The following RPL23 variants were observed in gnomAD, a reference collection of about 807,000 sequenced individuals.
RPL23 encodes the protein ribosomal protein L23, also known as large ribosomal subunit protein uL14.
For synonymous variants in RPL23, 63 were observed against 65.3 expected (o/e 0.97, Z 0.17); for missense variants, 79 against 178.8 (o/e 0.44, Z 3.18).
In RPL23 at chr17:38,848,244, AT is replaced by A. The variant is rs761007713; in HGVS notation, c.*1887del. The A allele has an allele frequency of 4.0e-5, 27 of 676,724 alleles. No individual in the cohort carries two copies. The highest frequency in any genetic ancestry group is 1.1e-4 in the South Asian group (2 of 18,910). The allele number at this position is 676,724 out of a possible 1,614,324, so 41.9% of individuals were successfully genotyped here. On this transcript the variant is annotated 3_prime_UTR_variant, in exon 5 of 5. Transcript: ENST00000479035. ...CTCTCTAAAACTAGAGATTTAATAC[AT>A]TTTTTTTCTTTCCCCCCAGAGTTTC...
chr17:38,852,715 T>C lies in RPL23; in HGVS notation c.115A>G (p.Ile39Val), dbSNP rs140022189. Residue 39 changes from isoleucine (I) to valine (V), a missense_variant, in exon 3 of 5, where the codon ATC (isoleucine) becomes GTC (valine). Transcript: ENST00000479035. ...ADNTGAKNLY[I>V]ISVKGIKGRL... is the part of the protein sequence containing the mutation. Reference sequence around the variant, plus strand: ...CCCTTGATCCCCTTCACGGAGATGATATACAGGTTTTTGGCTCCTACAAAA... The same window carrying C: ...CCCTTGATCCCCTTCACGGAGATGACATACAGGTTTTTGGCTCCTACAAAA... 4.8e-5 allele frequency: 78 copies of C among 1,614,174 alleles called. No homozygotes were observed. The highest frequency in any genetic ancestry group is 3.2e-4 in the Admixed American group (19 of 60,000).
At chr17:38,853,354 C>T in intron 1 of RPL23, 1 of 694,948 alleles carries the variant, frequency 1.4e-6, no homozygotes, top group Non-Finnish European at 2.7e-6. Flanking sequence ...AACCCTTGCT[C>T]TAACTTTCGC....
Position 38,849,989 on chromosome 17 carries a change from G to A in RPL23, c.*143C>T. 1 of 591,262 alleles carries A rather than the reference G, an allele frequency of 1.7e-6. No homozygotes were observed. The highest frequency in any genetic ancestry group is 2.9e-6 in the Non-Finnish European group (1 of 344,852). 36.6% of individuals were successfully genotyped at this position (591,262 alleles called of 1,614,324 possible). On this transcript the variant is annotated 3_prime_UTR_variant, in exon 5 of 5. Transcript: ENST00000479035. ...AAAAACTAGCCAGGCATGACGGCAGGTGCCTGTAATCCCAGCTACTTAGGA... is the reference window on the plus strand; with the variant it reads ...AAAAACTAGCCAGGCATGACGGCAGATGCCTGTAATCCCAGCTACTTAGGA...
chr17:38,848,484 C>G lies in RPL23; in HGVS notation c.*1648G>C, dbSNP rs1912917893. 1 of 153,960 alleles carries G rather than the reference C, an allele frequency of 6.5e-6. No homozygotes were observed. Among genetic ancestry groups the G allele is most frequent in the Admixed American group, 6.5e-5 (1 of 15,410 alleles). 9.5% of individuals were successfully genotyped at this position (153,960 alleles called of 1,614,324 possible). A position where few individuals can be genotyped will look rare whatever the true frequency, so the allele number is the denominator to read the frequency against. On this transcript the variant is annotated 3_prime_UTR_variant, in exon 5 of 5. Coordinates refer to ENST00000479035, the MANE Select transcript of RPL23 (RefSeq NM_000978.4). ...CTGACCTCAGATGATCCACCCACCT[C>G]AGCCTCCCAAAGTGCTGGGATTATA...
intron 1 of RPL23, chr17:38,853,344 A>G: frequency 1.5e-6 from 1 of 686,888 alleles, no homozygotes; most frequent in Non-Finnish European, 2.7e-6. Flanking sequence ...TAGACGACTC[A>G]ACCCTTGCTC....
chr17:38,850,906 A>C (rs982899573), intron 3 of RPL23: 1 of 153,346 alleles, frequency 6.5e-6, no homozygotes, highest in African/African-American at 2.4e-5. Flanking sequence ...CTGAATTGGG[A>C]TGTAGAAATG....
intron 1 of RPL23, 98 bp downstream of exon 1, chr17:38,853,600 G>T: frequency 6.7e-7 from 1 of 1,482,564 alleles, no homozygotes; most frequent in South Asian, 1.1e-5. Context: ...GCCTGAAGGA[G>T]AGCAAAGCGC....
At chr17:38,852,885 G>T in intron 2 of RPL23, 137 bp downstream of exon 2, 1 of 1,368,440 alleles carries the variant, frequency 7.3e-7, no homozygotes. Context: ...ACCGATTGAA[G>T]CAAACAACAC....
intron 1 of RPL23, 111 bp from the exon 2 acceptor site, chr17:38,853,216 G>T: frequency 1.2e-6 from 1 of 819,190 alleles, no homozygotes; most frequent in Non-Finnish European, 2.1e-6. Flanking sequence ...TTGATAGACT[G>T]TACGCTATAG....
chr17:38,849,863 A>G lies in RPL23; in HGVS notation c.*269T>C, dbSNP rs1912952036. On this transcript the variant is annotated 3_prime_UTR_variant, in exon 5 of 5. Coordinates refer to ENST00000479035, the MANE Select transcript of RPL23 (RefSeq NM_000978.4). Reference sequence around the variant, plus strand: ...ATTTCAGAAAAGTGATGGTCAGGGTATGTCAAAAACACTGTAGAGGCCTGG... The same window carrying G: ...ATTTCAGAAAAGTGATGGTCAGGGTGTGTCAAAAACACTGTAGAGGCCTGG... 2 of 306,528 alleles carry G rather than the reference A, an allele frequency of 6.5e-6. No individual in the cohort carries two copies. The highest frequency in any genetic ancestry group is 1.2e-5 in the Non-Finnish European group (2 of 169,084). The allele number at this position is 306,528 out of a possible 1,614,324, so 19.0% of individuals were successfully genotyped here.
intron 1 of RPL23, 39 bp from the exon 2 acceptor site, chr17:38,853,144 C>G: frequency 6.6e-7 from 1 of 1,513,416 alleles, no homozygotes; most frequent in Non-Finnish European, 9.2e-7. Flanking sequence ...ATAAAGAGAT[C>G]ACAATCTAGA....
At position 38,850,048 on chromosome 17, in the gene RPL23, G is replaced by A. The variant is rs1912956630; in HGVS notation, c.*84C>T. On this transcript the variant is annotated 3_prime_UTR_variant, in exon 5 of 5. Coordinates refer to ENST00000479035, the MANE Select transcript of RPL23 (RefSeq NM_000978.4). ...CAGGAGAATCGCTTGAACCCTGGAA[G>A]TGAACAGGGAGACAAGCACTGCAAA... The A allele has an allele frequency of 9.8e-7, 1 of 1,016,254 alleles. No individual in the cohort carries two copies. Among genetic ancestry groups the A allele is most frequent in the Non-Finnish European group, 1.4e-6 (1 of 693,196 alleles). 63.0% of individuals were successfully genotyped at this position (1,016,254 alleles called of 1,614,324 possible).
rs1183263535 is a variant in RPL23 at position 38,847,925 on chromosome 17, T to C, written c.*2207A>G. On this transcript the variant is annotated 3_prime_UTR_variant, in exon 5 of 5. Coordinates refer to ENST00000479035, the MANE Select transcript of RPL23 (RefSeq NM_000978.4). ...AATCTCCAAAGAATAAAATGTGAGG[T>C]GGGATGCAGTGGCTCACACTTGTAA... is the stretch of plus-strand genomic sequence containing the variant. 1.3e-6 allele frequency: 2 copies of C among 1,521,992 alleles called. No individual in the cohort carries two copies. The highest frequency in any genetic ancestry group is 1.8e-6 in the Non-Finnish European group (2 of 1,137,022). The allele number at this position is 1,521,992 out of a possible 1,614,324, so 94.3% of individuals were successfully genotyped here.
Position 38,852,624 on chromosome 17 carries a change from T to C in RPL23, c.206A>G (p.Lys69Arg). 1 of 1,612,500 alleles carries C rather than the reference T, an allele frequency of 6.2e-7. No individual in the cohort carries two copies. The highest frequency in any genetic ancestry group is 1.1e-5 in the South Asian group (1 of 91,004). Residue 69 changes from lysine (K) to arginine (R), a missense_variant, in exon 3 of 5, where the codon AAA (lysine) becomes AGA (arginine). Lys to Arg is a conservative substitution (Grantham distance 26). Coordinates refer to ENST00000479035, the MANE Select transcript of RPL23 (RefSeq NM_000978.4). ...CTCACCCTTTTTTCTGAGCTCTGGT[T>C]TGCCTTTCTTGACTGTGGCCATCAC... Reference protein sequence around the residue: ...DMVMATVKKGKPELRKKVHPA... With the variant: ...DMVMATVKKGRPELRKKVHPA...
At chr17:38,851,343 T>C (rs1912996802) in intron 3 of RPL23, 1 of 152,218 alleles carries the variant, frequency 6.6e-6, no homozygotes, top group African/African-American at 2.4e-5. Context: ...ATAAACCATT[T>C]AATCCTCACA....
chr17:38,851,511 G>A (rs1265333196), intron 3 of RPL23: 1 of 152,242 alleles, frequency 6.6e-6, no homozygotes, highest in Middle Eastern at 3.2e-3. Flanking sequence ...AAACTGAAGT[G>A]TTCGGAGCTC....
chr17:38,852,296 C>T (rs1186281229), intron 3 of RPL23: 2 of 260,374 alleles, frequency 7.7e-6, no homozygotes, highest in Non-Finnish European at 1.5e-5. Flanking sequence ...GCCCAGGAGG[C>T]GGAGGTTGCA....
intron 3 of RPL23, 53 bp from the exon 4 acceptor site, chr17:38,850,528 C>G: frequency 4.1e-6 from 5 of 1,221,616 alleles, no homozygotes; most frequent in Non-Finnish European, 6.1e-6. Context: ...CGCAGTGCCA[C>G]CACAAAAGCA....
In RPL23 at chr17:38,853,095, C is replaced by T. The variant is rs1267275673; in HGVS notation, c.24G>A (p.Gly8=). ...AAATCCGGAATTTCGCACCAGAGGA[C>T]CCACCACGTCCTGTGGATATAAAGG... MSKRGRG[G]SSGAKFRISL... The change falls in exon 2 of 5, where the codon GGG becomes GGA. Residue 8 remains glycine, a synonymous_variant. Transcript: ENST00000479035. 1 of 1,613,630 alleles carries T rather than the reference C, an allele frequency of 6.2e-7. No homozygotes were observed. The highest frequency in any genetic ancestry group is 8.5e-7 in the Non-Finnish European group (1 of 1,179,568).
Sources: allele counts gnomAD v4.1 joint callset, GRCh38; gene constraint gnomAD v4.1.1; transcripts MANE v1.5; gene names NCBI Gene and HGNC (gene_info 2026-07-23, HGNC 2026-07-21).